Variants in LLGL2 observed in about 807,000 individuals in gnomAD.
LLGL2 encodes the protein LLGL scribble cell polarity complex component 2.
In LLGL2, 81 loss-of-function variants were observed where a neutral mutation model predicts 123.2. That is an observed-to-expected ratio of 0.66 (90% CI 0.55 to 0.79). The LOEUF is 0.79. Ranked by LOEUF, LLGL2 falls within the 30% of genes least tolerant of loss-of-function variation. The probability of loss-of-function intolerance (pLI) is 0.00; values close to 1 mark genes in which losing one functional copy is unlikely to be tolerated. For synonymous variants in LLGL2, 577 were observed against 594.1 expected, an observed-to-expected ratio of 0.97 and a Z score of 0.42; for missense variants, 1,273 against 1,414.6, an observed-to-expected ratio of 0.90 and a Z score of 1.61.
At chr17:75,542,651 T>C (rs1437648367) in intron 1 of LLGL2, 1 of 152,226 alleles carries the variant, frequency 6.6e-6, no homozygotes, top group Non-Finnish European at 1.5e-5. Context: ...TATTCTCCAC[T>C]AGGGCCCGTG....
chr17:75,562,759 A>G, intron 6 of LLGL2: 2 of 517,484 alleles, frequency 3.9e-6, no homozygotes, highest in Non-Finnish European at 7.0e-6. Context: ...TAGTAGAGAC[A>G]GGGTTTTGCC....
At chr17:75,543,610 C>T (rs1024639814) in intron 2 of LLGL2, 109 bp downstream of exon 2, 2 of 712,998 alleles carry the variant, frequency 2.8e-6, no homozygotes, top group Admixed American at 3.4e-5. Flanking sequence ...TATGTGACTG[C>T]CTGCAGTGCC....
intron 1 of LLGL2, among the ~76,000 whole-genome samples, chr17:75,538,829 A>G (rs2054102264): frequency 6.6e-6 from 1 of 152,144 alleles, no homozygotes; most frequent in African/African-American, 2.4e-5. Flanking sequence ...TGACAAGGGA[A>G]TGGTCACTGA....
intron 10 of LLGL2, among the ~76,000 whole-genome samples, chr17:75,567,578 G>A (rs990430895): frequency 2.6e-5 from 4 of 151,820 alleles, no homozygotes; most frequent in African/African-American, 9.7e-5. Flanking sequence ...GGCGGAGGTT[G>A]CAGTGAGCTG....
In LLGL2 at chr17:75,543,478, C is replaced by T. The variant is rs149303269; in HGVS notation, c.52C>T (p.Arg18Trp). ...TGACCCTGTGCGGGAGAGGCTCAAG[C>T]GGGACCTGTTCCAGTTTAACAAGGT... ...GHDPVRERLK[R>W]DLFQFNKTVE... The change falls in exon 2 of 26, where the codon CGG becomes TGG. Residue 18 changes from arginine to tryptophan, a missense_variant. Physicochemically the swap from Arg to Trp is moderately radical, Grantham distance 101. Transcript: ENST00000392550. 47 of 1,611,532 alleles carry T rather than the reference C, an allele frequency of 2.9e-5. No individual in the cohort carries two copies. Among genetic ancestry groups the T allele is most frequent in the Middle Eastern group, 3.3e-4 (2 of 6,074 alleles).
In LLGL2 at chr17:75,558,271, C is replaced by G; in HGVS notation, c.255+35C>G. 1.9e-6 allele frequency: 3 copies of G among 1,579,410 alleles called. No individual in the cohort carries two copies. Among genetic ancestry groups the G allele is most frequent in the Non-Finnish European group, 2.6e-6 (3 of 1,153,250 alleles). ...CTGGGGTGGGACAGGAAGCCACTTC[C>G]ATGCCCTCCTTGCCTTCACTGCTTC... On this transcript the variant is annotated intron_variant, in intron 4 of 25. Transcript: ENST00000392550. The surrounding 1 kb of genome is among the most constrained non-coding windows in gnomAD (Gnocchi z 4.0).
intron 10 of LLGL2, chr17:75,568,149 C>T (rs1331609638): frequency 1.6e-6 from 2 of 1,248,092 alleles, no homozygotes. Flanking sequence ...GGAGAGCAGG[C>T]CCCATGGAGG....
intron 14 of LLGL2, 21 bp downstream of exon 14, chr17:75,569,346 G>T (rs765259472): frequency 1.2e-5 from 19 of 1,585,842 alleles, no homozygotes; most frequent in Admixed American, 1.7e-5. Flanking sequence ...GGGCTGGGGA[G>T]GGGGAGCTGG....
intron 1 of LLGL2, among the ~76,000 whole-genome samples, chr17:75,535,948 GGA>G (rs1182737482): frequency 6.6e-6 from 1 of 152,210 alleles, no homozygotes; most frequent in African/African-American, 2.4e-5. Flanking sequence ...CTGCCCACAG[GGA>G]GCTCTCAGGC....
chr17:75,560,423 C>T (rs931880979), intron 6 of LLGL2, among the ~76,000 whole-genome samples: 5 of 137,138 alleles, frequency 3.6e-5, no homozygotes, highest in East Asian at 2.0e-4. Context: ...GGAATCTAGT[C>T]GGCGGGGGGG....
rs35973733 is a variant in LLGL2 at position 75,558,978 on chromosome 17, C to T, written c.372-274C>T. 4.9e-4 allele frequency: 157 copies of T among 320,506 alleles called. 2 individuals carry two copies. The highest frequency in any genetic ancestry group is 1.7e-3 in the African/African-American group (38 of 22,880). The allele number at this position is 320,506 out of a possible 1,614,324, so 19.9% of individuals were successfully genotyped here. ...CCATCCGCACCCCGCCTCCTCCATC[C>T]GCACCCCGCCTCCTCCATCTGCACC... On this transcript the variant is annotated intron_variant, in intron 5 of 25. Transcript: ENST00000392550. The surrounding 1 kb of genome is among the most constrained non-coding windows in gnomAD (Gnocchi z 4.0).
intron 2 of LLGL2, among the ~76,000 whole-genome samples, chr17:75,553,072 G>A (rs540183946): frequency 3.9e-5 from 6 of 152,166 alleles, no homozygotes; most frequent in Non-Finnish European, 7.4e-5. Context: ...GGGGCCCCTG[G>A]GGGAGCTTGT....
chr17:75,558,366 C>A lies in LLGL2; in HGVS notation c.255+130C>A. ...TTGCTGCTGATGGAAAGACCTGGGA[C>A]CCCCTCCCTTTCCACAGCTGGGGCT... is the stretch of plus-strand genomic sequence containing the variant. On this transcript the variant is annotated intron_variant, in intron 4 of 25. Coordinates refer to ENST00000392550, the MANE Select transcript of LLGL2 (RefSeq NM_001031803.2). This position sits in a 1 kb window ranked among gnomAD's most constrained non-coding sequence, Gnocchi z 4.0. The A allele has an allele frequency of 4.3e-6, 5 of 1,153,902 alleles. No homozygotes were observed. Among genetic ancestry groups the A allele is most frequent in the South Asian group, 1.4e-5 (1 of 69,194 alleles). 71.5% of individuals were successfully genotyped at this position (1,153,902 alleles called of 1,614,324 possible).
chr17:75,546,905 C>T (rs1355895707), intron 2 of LLGL2, among the ~76,000 whole-genome samples: 1 of 152,052 alleles, frequency 6.6e-6, no homozygotes, highest in African/African-American at 2.4e-5. Flanking sequence ...GAGCCTGGAG[C>T]GGCACGTGGG....
In LLGL2 at chr17:75,570,253, T is replaced by G; in HGVS notation, c.1872T>G (p.Val624=). The change falls in exon 15 of 26, where the codon GTT becomes GTG. Residue 624 remains valine, a splice_region_variant and synonymous_variant. Transcript: ENST00000392550. ...FDHQQRRQVF[V]KCTLHPSDQL... ...ACCAGCAGCGGCGGCAGGTCTTTGTTAAGTGAGCAGGGGCGGCTGGGTCCC... is the reference window on the plus strand; with the variant it reads ...ACCAGCAGCGGCGGCAGGTCTTTGTGAAGTGAGCAGGGGCGGCTGGGTCCC... The G allele has an allele frequency of 1.9e-6, 3 of 1,601,710 alleles. No individual in the cohort carries two copies. Among genetic ancestry groups the G allele is most frequent in the Non-Finnish European group, 1.7e-6 (2 of 1,174,186 alleles).
chr17:75,550,393 AG>A (rs1334055664), intron 2 of LLGL2, among the ~76,000 whole-genome samples: 24 of 138,670 alleles, frequency 1.7e-4, no homozygotes, highest in African/African-American at 5.8e-4. Context: ...TCACCACCTA[AG>A]TGATACAGAC....
chr17:75,527,321 T>A (rs1402546612), intron 1 of LLGL2, among the ~76,000 whole-genome samples: 1 of 152,180 alleles, frequency 6.6e-6, no homozygotes, highest in Non-Finnish European at 1.5e-5. Context: ...CAGTGCTAGC[T>A]GTGGCAGACA....
At chr17:75,533,423 G>A (rs541839191) in intron 1 of LLGL2, among the ~76,000 whole-genome samples, 2 of 147,528 alleles carry the variant, frequency 1.4e-5, no homozygotes, top group African/African-American at 5.0e-5. Flanking sequence ...TCCTGCCTCA[G>A]CCTCCTGAGT....
At chr17:75,537,441 C>G (rs1234125779) in intron 1 of LLGL2, among the ~76,000 whole-genome samples, 1 of 152,134 alleles carries the variant, frequency 6.6e-6, no homozygotes, top group African/African-American at 2.4e-5. Flanking sequence ...CGCCTATAAT[C>G]CTAGCACTTT....
Sources: allele counts gnomAD v4.1 joint callset (sites outside exome capture counted in the v4.1 genomes callset), GRCh38; gene constraint gnomAD v4.1.1; non-coding constraint Gnocchi (gnomAD v3.1); transcripts MANE v1.5; gene names NCBI Gene and HGNC (gene_info 2026-07-23, HGNC 2026-07-21).